The following EPHA7 variants were observed in gnomAD, a reference collection of about 807,000 sequenced individuals.
EPHA7 encodes ephrin type-A receptor 7.
Under a neutral mutation model 112.6 loss-of-function variants are expected in EPHA7, and 25 were observed. That is an observed-to-expected ratio of 0.22 (90% CI 0.16 to 0.31). The LOEUF (loss-of-function observed/expected upper bound fraction) is 0.31. EPHA7 is among the 10% of genes least tolerant of loss of function. The pLI, the probability that EPHA7 is intolerant of heterozygous loss-of-function variation, is 1.00. For synonymous variants in EPHA7, 437 were observed against 406.5 expected (o/e 1.07, Z -0.90); for missense variants, 962 against 1,212.6 (o/e 0.79, Z 3.07).
intron 5 of EPHA7, among the ~76,000 whole-genome samples, chr6:93,323,324 C>T (rs555320619): frequency 5.3e-5 from 8 of 151,320 alleles, no homozygotes; most frequent in Non-Finnish European, 8.9e-5. Flanking sequence ...AAAACGTTTT[C>T]GAGTGCATTT....
intron 5 of EPHA7, among the ~76,000 whole-genome samples, chr6:93,325,218 A>C (rs954175549): frequency 2.6e-5 from 4 of 151,392 alleles, no homozygotes; most frequent in African/African-American, 7.3e-5. Context: ...AAAGGACACA[A>C]TCAATGGAAT....
At chr6:93,268,926 G>A (rs936550862) in intron 7 of EPHA7, among the ~76,000 whole-genome samples, 1 of 151,656 alleles carries the variant, frequency 6.6e-6, no homozygotes, top group Non-Finnish European at 1.5e-5. Context: ...TCCTTAGTAT[G>A]CATGAAATAT....
At position 93,358,398 on chromosome 6, in the gene EPHA7, C is replaced by A; in HGVS notation, c.846G>T (p.Gly282=). The change falls in exon 4 of 17, where the codon GGG becomes GGT. Residue 282 remains glycine, a synonymous_variant. Coordinates refer to ENST00000369303, the MANE Select transcript of EPHA7 (RefSeq NM_004440.4). ...KGDTCEPCGR[G]FYKSSSQDLQ... ...GATCTTGAGAGGAAGACTTGTAGAA[C>A]CCACGGCCACAGGCTGGGAATGCAA... is the stretch of plus-strand genomic sequence containing the variant. The A allele has an allele frequency of 6.2e-7, 1 of 1,608,120 alleles. No homozygotes were observed.
intron 5 of EPHA7, among the ~76,000 whole-genome samples, chr6:93,304,132 G>A (rs1221293723): frequency 6.6e-6 from 1 of 150,636 alleles, no homozygotes; most frequent in Non-Finnish European, 1.5e-5. Context: ...AGAATGGATT[G>A]GCTGTCATGA....
At chr6:93,338,582 A>C (rs1774988434) in intron 5 of EPHA7, among the ~76,000 whole-genome samples, 1 of 152,018 alleles carries the variant, frequency 6.6e-6, no homozygotes, top group Admixed American at 6.6e-5. Flanking sequence ...AAATGTTTAA[A>C]ATTTCCTCAA....
At chr6:93,384,178 C>A (rs1777485999) in intron 3 of EPHA7, among the ~76,000 whole-genome samples, 2 of 152,084 alleles carry the variant, frequency 1.3e-5, no homozygotes, top group Admixed American at 1.3e-4. Context: ...TCATGTGTTA[C>A]CCTTAATACA....
At chr6:93,394,301 A>G (rs764863574) in intron 3 of EPHA7, among the ~76,000 whole-genome samples, 11 of 151,734 alleles carry the variant, frequency 7.2e-5, no homozygotes, top group African/African-American at 9.7e-5. Context: ...CCTTTTATAT[A>G]TATATATCAT....
chr6:93,244,116 T>C (rs564323397), intron 16 of EPHA7, among the ~76,000 whole-genome samples: 7 of 152,292 alleles, frequency 4.6e-5, no homozygotes, highest in African/African-American at 1.7e-4. Flanking sequence ...CTAAATTTAA[T>C]AGCTTAAATT....
intron 3 of EPHA7, among the ~76,000 whole-genome samples, chr6:93,387,768 G>A (rs1331838441): frequency 6.6e-6 from 1 of 151,966 alleles, no homozygotes; most frequent in Admixed American, 6.6e-5. Context: ...AAAACCATCA[G>A]ATCTCATAAG....
At chr6:93,414,039 A>T (rs978558612) in intron 2 of EPHA7, among the ~76,000 whole-genome samples, 18 of 152,040 alleles carry the variant, frequency 1.2e-4, no homozygotes, top group Admixed American at 4.6e-4. Context: ...ATGAAAAATA[A>T]TGGTTAGTAT....
intron 5 of EPHA7, among the ~76,000 whole-genome samples, chr6:93,352,997 T>C (rs1775771736): frequency 6.6e-6 from 1 of 152,050 alleles, no homozygotes; most frequent in Non-Finnish European, 1.5e-5. Flanking sequence ...GTAGGCTTAA[T>C]ACCTGGGTGA....
chr6:93,387,966 GATAGATAGATAGA>G (rs1777709570), intron 3 of EPHA7, among the ~76,000 whole-genome samples: 1 of 147,482 alleles, frequency 6.8e-6, no homozygotes, highest in African/African-American at 2.5e-5. Flanking sequence ...TAGATAGATA[GATAGATAGATAGA>G]ATAGATAGAT....
chr6:93,337,337 C>A (rs1292486507), intron 5 of EPHA7, among the ~76,000 whole-genome samples: 2 of 152,086 alleles, frequency 1.3e-5, no homozygotes, highest in Non-Finnish European at 2.9e-5. Flanking sequence ...ACTGATTGCA[C>A]AAGGCTGCAA....
intron 3 of EPHA7, among the ~76,000 whole-genome samples, chr6:93,375,607 A>C (rs1024934476): frequency 2.0e-5 from 3 of 151,454 alleles, no homozygotes; most frequent in Non-Finnish European, 2.9e-5. Flanking sequence ...CAAAAAAAAA[A>C]CTCCAAGATT....
Position 93,259,626 on chromosome 6 carries a change from C to T in EPHA7, c.1799-147G>A, listed in dbSNP as rs1770596878. 12 of 883,726 alleles carry T rather than the reference C, an allele frequency of 1.4e-5. No individual in the cohort carries two copies. In the Admixed American group the frequency reaches 2.7e-4, roughly 20 times the overall value. The allele number at this position is 883,726 out of a possible 1,614,324, so 54.7% of individuals were successfully genotyped here. A position where few individuals can be genotyped will look rare whatever the true frequency, so the allele number is the denominator to read the frequency against. On this transcript the variant is annotated intron_variant, in intron 9 of 16. Coordinates refer to ENST00000369303, the MANE Select transcript of EPHA7 (RefSeq NM_004440.4). ...TCACAGCAGTTTTAACAGACTACTT[C>T]AGTCTGCTGGCGTATAGGTATTATC... is the stretch of plus-strand genomic sequence containing the variant.
At chr6:93,281,170 A>G (rs1771718595) in intron 5 of EPHA7, among the ~76,000 whole-genome samples, 1 of 152,188 alleles carries the variant, frequency 6.6e-6, no homozygotes, top group Admixed American at 6.5e-5. Flanking sequence ...AAAGTACATC[A>G]TCAATGTTAA....
Position 93,276,376 on chromosome 6 carries a change from T to C in EPHA7, c.1325-3954A>G, listed in dbSNP as rs565451847. ...TGGCCCTGATTGACCAGTACAGAAA[T>C]CAATAATTCAGTCCTATCAGAGCAA... On this transcript the variant is annotated intron_variant, in intron 5 of 16. Coordinates refer to ENST00000369303, the MANE Select transcript of EPHA7 (RefSeq NM_004440.4). 4.6e-5 allele frequency among the ~76,000 whole-genome samples: 7 copies of C among 152,038 alleles called. No individual in the cohort carries two copies. The East Asian group carries it at 9.7e-4, about 21-fold the overall frequency.
intron 3 of EPHA7, among the ~76,000 whole-genome samples, chr6:93,362,244 T>C (rs573191174): frequency 6.6e-6 from 1 of 152,146 alleles, no homozygotes; most frequent in South Asian, 2.1e-4. Flanking sequence ...ATCTAGGAGA[T>C]ACATGAAACT....
At position 93,242,277 on chromosome 6, in the gene EPHA7, C is replaced by T. The variant is rs1769721784; in HGVS notation, c.*1149G>A. 1 of 202,574 alleles carries T rather than the reference C, an allele frequency of 4.9e-6. No individual in the cohort carries two copies. Among genetic ancestry groups the T allele is most frequent in the Non-Finnish European group, 1.0e-5 (1 of 98,272 alleles). 12.5% of individuals were successfully genotyped at this position (202,574 alleles called of 1,614,324 possible). ...ACTTTTTGTTTTGTTTTGTTTTGAACTGCAATGGTGATATTCTGTGCAGCA... is the reference window on the plus strand; with the variant it reads ...ACTTTTTGTTTTGTTTTGTTTTGAATTGCAATGGTGATATTCTGTGCAGCA... On this transcript the variant is annotated 3_prime_UTR_variant, in exon 17 of 17. Transcript: ENST00000369303.
Sources: allele counts gnomAD v4.1 joint callset (sites outside exome capture counted in the v4.1 genomes callset), GRCh38; gene constraint gnomAD v4.1.1; transcripts MANE v1.5; gene names NCBI Gene and HGNC (gene_info 2026-07-23, HGNC 2026-07-21).